The following AUTS2 variants were observed in gnomAD, a reference collection of about 807,000 sequenced individuals.
AUTS2 encodes autism susceptibility gene 2 protein.
AUTS2 carries 17 observed loss-of-function variants against 112.4 expected under a neutral mutation model. The ratio of observed to expected loss-of-function variants is 0.15; its 90% CI spans 0.10 to 0.23. The LOEUF (loss-of-function observed/expected upper bound fraction) is 0.23. AUTS2 is among the 10% of genes least tolerant of loss of function. The pLI is 1.00. For synonymous variants in AUTS2, 751 were observed against 702.7 expected, an observed-to-expected ratio of 1.07 and a Z score of -1.09; for missense variants, 1,510 against 1,701.6, an observed-to-expected ratio of 0.89 and a Z score of 1.98.
intron 1 of AUTS2, among the ~76,000 whole-genome samples, chr7:69,859,564 A>C (rs1283173215): frequency 6.6e-6 from 1 of 152,190 alleles, no homozygotes; most frequent in Non-Finnish European, 1.5e-5. Context: ...CCATCCAAAA[A>C]TAGGCATTAA....
chr7:70,531,637 T>C (rs1053622420), intron 5 of AUTS2, among the ~76,000 whole-genome samples: 2 of 151,972 alleles, frequency 1.3e-5, no homozygotes, highest in Non-Finnish European at 2.9e-5. Context: ...TGTGAACTGA[T>C]AGAAGGAGAG....
intron 2 of AUTS2, among the ~76,000 whole-genome samples, chr7:70,053,033 G>A (rs1801825787): frequency 6.6e-6 from 1 of 152,184 alleles, no homozygotes; most frequent in South Asian, 2.1e-4. Context: ...CACTCAGGCT[G>A]TGCTATTTGC....
At position 70,435,789 on chromosome 7, in the gene AUTS2, C is replaced by G. The variant is rs780968020; in HGVS notation, c.690+8C>G. The G allele has an allele frequency of 3.2e-5, 51 of 1,613,352 alleles. No homozygotes were observed. The East Asian group carries it at 1.1e-3, about 35-fold the overall frequency. ...AGTGACCAGGAAGAGAAGGTAAGAC[C>G]CCCCCTCCCCCATTGTGGGCACAGC... On this transcript the variant is annotated splice_region_variant and intron_variant, in intron 5 of 18. Coordinates refer to ENST00000342771, the MANE Select transcript of AUTS2 (RefSeq NM_015570.4).
chr7:69,782,830 C>A (rs1789199643), intron 1 of AUTS2, among the ~76,000 whole-genome samples: 1 of 152,008 alleles, frequency 6.6e-6, no homozygotes, highest in Non-Finnish European at 1.5e-5. Flanking sequence ...AAAAGTAATC[C>A]CCTTTTTGGA....
intron 18 of AUTS2, among the ~76,000 whole-genome samples, chr7:70,787,638 C>T (rs1173267308): frequency 6.6e-6 from 1 of 152,076 alleles, no homozygotes; most frequent in Non-Finnish European, 1.5e-5. Flanking sequence ...GCAGAGCTAG[C>T]GACAGATTCC....
At chr7:69,733,082 C>A (rs1263176420) in intron 1 of AUTS2, among the ~76,000 whole-genome samples, 1 of 152,128 alleles carries the variant, frequency 6.6e-6, no homozygotes. Context: ...TAGTCCGTTC[C>A]ATTAAGTCTT....
intron 5 of AUTS2, among the ~76,000 whole-genome samples, chr7:70,444,524 A>AAGTAT (rs1366092305): frequency 6.6e-5 from 10 of 152,122 alleles, no homozygotes; most frequent in Non-Finnish European, 1.2e-4. Flanking sequence ...AATTATCTAA[A>AAGTAT]CTTTATACTT....
intron 5 of AUTS2, among the ~76,000 whole-genome samples, chr7:70,583,038 CT>C (rs1585331668): frequency 6.6e-6 from 1 of 152,174 alleles, no homozygotes; most frequent in East Asian, 1.9e-4. Context: ...CGCATATTGC[CT>C]GTTTAAGTTT....
At chr7:70,612,168 A>G (rs1459699802) in intron 5 of AUTS2, among the ~76,000 whole-genome samples, 2 of 152,232 alleles carry the variant, frequency 1.3e-5, no homozygotes, top group Non-Finnish European at 2.9e-5. Flanking sequence ...GAAAAGTACC[A>G]TAGCCTTCTT....
chr7:69,637,924 G>T (rs917478115), intron 1 of AUTS2, among the ~76,000 whole-genome samples: 2 of 152,226 alleles, frequency 1.3e-5, no homozygotes, highest in African/African-American at 4.8e-5. Flanking sequence ...GATGCTCATT[G>T]TTGACTGAAT....
chr7:70,161,567 C>A (rs188158983), intron 4 of AUTS2, among the ~76,000 whole-genome samples: 123 of 149,102 alleles, frequency 8.2e-4, no homozygotes, highest in Admixed American at 1.7e-3. Flanking sequence ...TTTATTCTTA[C>A]ACTTGGCAAC....
intron 5 of AUTS2, among the ~76,000 whole-genome samples, chr7:70,568,140 A>T (rs1326537631): frequency 6.6e-6 from 1 of 152,194 alleles, no homozygotes; most frequent in East Asian, 1.9e-4. Flanking sequence ...CATAGTTCAG[A>T]ATAAGTCACT....
chr7:70,116,653 C>T (rs1396568703), intron 2 of AUTS2, among the ~76,000 whole-genome samples: 1 of 152,216 alleles, frequency 6.6e-6, no homozygotes, highest in African/African-American at 2.4e-5. Flanking sequence ...AACTGCTGAT[C>T]ATTTCCCAGC....
chr7:70,458,034 C>T (rs1796815029), intron 5 of AUTS2, among the ~76,000 whole-genome samples: 1 of 152,008 alleles, frequency 6.6e-6, no homozygotes, highest in Non-Finnish European at 1.5e-5. Flanking sequence ...CACAAAGCCC[C>T]ACAACCGCCA....
chr7:70,414,674 G>A (rs1425709434), intron 4 of AUTS2, among the ~76,000 whole-genome samples: 1 of 152,148 alleles, frequency 6.6e-6, no homozygotes, highest in Admixed American at 6.5e-5. Flanking sequence ...TGGAAAGGGG[G>A]TGGTAAAATA....
At chr7:70,484,751 G>T (rs182198375) in intron 5 of AUTS2, among the ~76,000 whole-genome samples, 3 of 152,172 alleles carry the variant, frequency 2.0e-5, no homozygotes, top group Admixed American at 2.0e-4. Context: ...TGACTTGAAA[G>T]CAGGGATAAA....
intron 5 of AUTS2, among the ~76,000 whole-genome samples, chr7:70,449,325 A>G (rs1189789093): frequency 6.6e-6 from 1 of 152,194 alleles, no homozygotes; most frequent in African/African-American, 2.4e-5. Context: ...TTCCACTGCC[A>G]TTGCTAAGAT....
chr7:70,648,597 TTTTTGAGA>T lies in AUTS2; in HGVS notation c.691-49971_691-49964del, dbSNP rs1332199447. Among the ~76,000 whole-genome samples the T allele has an allele frequency of 2.6e-3, 398 of 152,324 alleles. 4 individuals are homozygous for T. Among genetic ancestry groups the T allele is most frequent in the African/African-American group, 8.9e-3 (371 of 41,566 alleles). On this transcript the variant is annotated intron_variant, in intron 5 of 18. Coordinates refer to ENST00000342771, the MANE Select transcript of AUTS2 (RefSeq NM_015570.4). ...GGTTTTTTGTTTTGTTTCGTTTTGT[TTTTTGAGA>T]CAGTCTCACTTTGTCACCCAGGCTG... is the stretch of plus-strand genomic sequence containing the variant.
At chr7:70,534,303 C>T (rs932991198) in intron 5 of AUTS2, among the ~76,000 whole-genome samples, 1 of 152,192 alleles carries the variant, frequency 6.6e-6, no homozygotes, top group Non-Finnish European at 1.5e-5. Flanking sequence ...AGGGTTGGCA[C>T]TTTGGGAAAG....
Sources: allele counts gnomAD v4.1 joint callset (sites outside exome capture counted in the v4.1 genomes callset), GRCh38; gene constraint gnomAD v4.1.1; transcripts MANE v1.5; gene names NCBI Gene and HGNC (gene_info 2026-07-23, HGNC 2026-07-21).